Variants in MYB observed in about 807,000 individuals in gnomAD.
MYB encodes the protein transcriptional activator Myb.
MYB carries 28 observed loss-of-function variants against 92.9 expected under a neutral mutation model. The observed-to-expected ratio is 0.30, with a 90% CI of 0.22 to 0.41. The LOEUF (loss-of-function observed/expected upper bound fraction) is 0.41. MYB is among the 10% of genes least tolerant of loss of function. The pLI is 1.00. For synonymous variants in MYB, 295 were observed against 329.1 expected (o/e 0.90, Z 1.12); for missense variants, 679 against 929.3 (o/e 0.73, Z 3.50).
chr6:135,186,097 A>G lies in MYB; in HGVS notation c.141+77A>G, dbSNP rs1775871332. 6.5e-6 allele frequency: 8 copies of G among 1,227,454 alleles called. No homozygotes were observed. The South Asian group carries it at 1.0e-4, about 16-fold the overall frequency. 76.0% of individuals were successfully genotyped at this position (1,227,454 alleles called of 1,614,324 possible). ...TAAAAAACAAAATTTCAACTAAACTACAGGTGCTCAAGCTCATTAGCAGGC... is the reference window on the plus strand; with the variant it reads ...TAAAAAACAAAATTTCAACTAAACTGCAGGTGCTCAAGCTCATTAGCAGGC... On this transcript the variant is annotated intron_variant, in intron 2 of 15. Transcript: ENST00000341911.
At position 135,200,293 on chromosome 6, in the gene MYB, C is replaced by G. The variant is rs765046065; in HGVS notation, c.1828C>G (p.Gln610Glu). Residue 610 changes from glutamine to glutamate, a missense_variant, in exon 13 of 16, where the codon CAG becomes GAG. Coordinates refer to ENST00000341911, the MANE Select transcript of MYB (RefSeq NM_001130173.2). ...AAATACCCACTCTTCCGTTTAGCCT[C>G]AGACACCCTCTCATCTAGTAGAAGA... ...IKYGPLKMLP[Q>E]TPSHLVEDLQ... 6.2e-7 allele frequency: 1 copy of G among 1,614,064 alleles called. No homozygotes were observed. The highest frequency in any genetic ancestry group is 8.5e-7 in the Non-Finnish European group (1 of 1,179,988).
At chr6:135,203,881 A>T in intron 15 of MYB, 1 of 1,193,556 alleles carries the variant, frequency 8.4e-7, no homozygotes, top group Non-Finnish European at 1.1e-6. Context: ...ATCAAAAGAG[A>T]TTTCCCTTGT....
chr6:135,193,970 A>G, intron 7 of MYB, 52 bp downstream of exon 7: 1 of 1,393,472 alleles, frequency 7.2e-7, no homozygotes, highest in Non-Finnish European at 1.0e-6. Flanking sequence ...AGAAATGCTT[A>G]TTTCTTTCAT....
rs199701053 is a variant in MYB at position 135,198,901 on chromosome 6, T to C, written c.1567-7T>C. 2 of 1,593,188 alleles carry C rather than the reference T, an allele frequency of 1.3e-6. No individual in the cohort carries two copies. The highest frequency in any genetic ancestry group is 1.7e-6 in the Non-Finnish European group (2 of 1,165,470). On this transcript the variant is annotated splice_region_variant and splice_polypyrimidine_tract_variant and intron_variant, in intron 10 of 15. Coordinates refer to ENST00000341911, the MANE Select transcript of MYB (RefSeq NM_001130173.2). The stretch of plus-strand genomic sequence containing the variant: ...TCTAAGTATTTTTTCTTTCTCTCCA[T>C]ATTTAGTTCTTAAACACTTCCAGTA...
Position 135,198,954 on chromosome 6 carries a change from C to G in MYB, c.1613C>G (p.Pro538Arg). ...CATGAAAACTCAGACTTGGAAATGC[C>G]TTCTTTAACTTCCACCCCCCTCATT... ...SNHENSDLEM[P>R]SLTSTPLIGH... Residue 538 changes from proline (P) to arginine (R), a missense_variant, in exon 11 of 16, where the codon CCT (proline) becomes CGT (arginine). Physicochemically the swap from Pro to Arg is moderately radical, Grantham distance 103. Around this residue, in one of 8 missense-constraint regions of MYB, gnomAD observed 402 missense variants for 434.2 expected, o/e 0.93. Transcript: ENST00000341911. 1 of 1,611,042 alleles carries G rather than the reference C, an allele frequency of 6.2e-7. No homozygotes were observed. Among genetic ancestry groups the G allele is most frequent in the African/African-American group, 1.3e-5 (1 of 74,884 alleles).
intron 2 of MYB, among the ~76,000 whole-genome samples, chr6:135,186,630 A>G (rs1775952581): frequency 6.6e-6 from 1 of 152,222 alleles, no homozygotes; most frequent in African/African-American, 2.4e-5. Flanking sequence ...ATCTTTTTAC[A>G]GTGTATTGAT....
intron 15 of MYB, among the ~76,000 whole-genome samples, chr6:135,210,938 A>T (rs1779621480): frequency 1.3e-5 from 2 of 151,804 alleles, no homozygotes; most frequent in African/African-American, 4.8e-5. Context: ...TGTTTTTTTC[A>T]TTGTGGTATA....
At chr6:135,212,861 A>T (rs1779933930) in intron 15 of MYB, among the ~76,000 whole-genome samples, 1 of 152,240 alleles carries the variant, frequency 6.6e-6, no homozygotes, top group African/African-American at 2.4e-5. Context: ...GCACAAAGAC[A>T]TTAATCTTCC....
Position 135,201,696 on chromosome 6 carries a change from G to T in MYB, c.2008G>T (p.Asp670Tyr). The part of the protein sequence containing the change: ...NFFCSHHWEG[D>Y]SLNTQLFTQT... ...CTTCTGCTCACACCACTGGGAAGGG[G>T]ACAGTCTGAATACCCAACTGTTCAC... Residue 670 changes from aspartate (D) to tyrosine (Y), a missense_variant, in exon 14 of 16, where the codon GAC becomes TAC. Asp to Tyr is a radical substitution (Grantham distance 160). Transcript: ENST00000341911. The T allele has an allele frequency of 6.3e-7, 1 of 1,590,738 alleles. No individual in the cohort carries two copies.
chr6:135,206,133 G>A (rs1778836722), intron 15 of MYB, among the ~76,000 whole-genome samples: 1 of 148,366 alleles, frequency 6.7e-6, no homozygotes, highest in African/African-American at 2.5e-5. Context: ...ATGAACCCAG[G>A]AGGCGGAGCT....
chr6:135,193,151 A>T (rs1776844563), intron 6 of MYB, among the ~76,000 whole-genome samples: 1 of 152,218 alleles, frequency 6.6e-6, no homozygotes, highest in Non-Finnish European at 1.5e-5. Flanking sequence ...CCGTTGGATC[A>T]GTGTGATCCC....
At chr6:135,189,951 A>G (rs1776426495) in intron 4 of MYB, 68 bp downstream of exon 4, 6 of 1,511,332 alleles carry the variant, frequency 4.0e-6, no homozygotes, top group East Asian at 2.3e-5. Context: ...ATATTTTCCT[A>G]TTTGAGGAAG....
Position 135,182,332 on chromosome 6 carries a change from T to C in MYB, c.23+796T>C, listed in dbSNP as rs1467259519. Among the ~76,000 whole-genome samples, 2 of 152,180 alleles carry C rather than the reference T, an allele frequency of 1.3e-5. No individual in the cohort carries two copies. Among genetic ancestry groups the C allele is most frequent in the African/African-American group, 4.8e-5 (2 of 41,450 alleles). ...GGAGGAGGGAAATCCTCGTCCGAAC[T>C]GTCAGTTGCTCGTTCCCCAGTCTCC... On this transcript the variant is annotated intron_variant, in intron 1 of 15. Coordinates refer to ENST00000341911, the MANE Select transcript of MYB (RefSeq NM_001130173.2). The surrounding 1 kb of genome is among the most constrained non-coding windows in gnomAD (Gnocchi z 5.6).
intron 1 of MYB, among the ~76,000 whole-genome samples, chr6:135,183,255 A>G (rs1240396556): frequency 6.6e-6 from 1 of 152,008 alleles, no homozygotes; most frequent in Non-Finnish European, 1.5e-5. Context: ...CGTTTCTTGC[A>G]AGGGCGAGCG....
intron 14 of MYB, 108 bp downstream of exon 14, chr6:135,201,857 A>G (rs1005013853): frequency 4.3e-6 from 2 of 468,586 alleles, no homozygotes; most frequent in African/African-American, 2.0e-5. Context: ...TCTTTAACAC[A>G]TCTTATTTCT....
intron 14 of MYB, chr6:135,202,819 T>G (rs1478706646): frequency 4.8e-6 from 2 of 418,040 alleles, no homozygotes; most frequent in Non-Finnish European, 9.4e-6. Context: ...TTTCACCATT[T>G]TTTGCCAATA....
intron 15 of MYB, among the ~76,000 whole-genome samples, chr6:135,216,883 A>G (rs1780522004): frequency 6.6e-6 from 1 of 152,162 alleles, no homozygotes; most frequent in Non-Finnish European, 1.5e-5. Flanking sequence ...CCACTTACCT[A>G]CAGAGTGGCC....
intron 8 of MYB, 173 bp downstream of exon 8, chr6:135,194,633 A>G (rs776228319): frequency 5.1e-5 from 29 of 569,716 alleles, no homozygotes; most frequent in Non-Finnish European, 8.8e-5. Context: ...TTATATGCTG[A>G]TTAAATTGGA....
Position 135,218,643 on chromosome 6 carries a change from G to A in MYB, c.*663G>A, listed in dbSNP as rs2128328621. The A allele has an allele frequency of 5.3e-6, 1 of 189,552 alleles. No individual in the cohort carries two copies. The highest frequency in any genetic ancestry group is 8.4e-5 in the East Asian group (1 of 11,882). 11.7% of individuals were successfully genotyped at this position (189,552 alleles called of 1,614,324 possible). On this transcript the variant is annotated 3_prime_UTR_variant, in exon 16 of 16. Transcript: ENST00000341911. The stretch of plus-strand genomic sequence containing the variant: ...AATGAAAAACGTTTTTTGCTGCTAT[G>A]GTCTTAGCCTGTAGACATGCTGCTA...
Sources: gnomAD v4.1 joint callset for allele counts (sites outside exome capture counted in the v4.1 genomes callset) on GRCh38, gnomAD v4.1.1 for gene constraint, gnomAD v4.1.1 regional missense constraint, Gnocchi (gnomAD v3.1) non-coding constraint, MANE v1.5 for transcripts, NCBI Gene and HGNC (gene_info 2026-07-23, HGNC 2026-07-21) for gene names.